The following CFAP44 variants were observed in gnomAD, a reference collection of about 807,000 sequenced individuals.
CFAP44 encodes the protein cilia and flagella associated protein 44.
In CFAP44, 134 loss-of-function variants were observed where a neutral mutation model predicts 216.2. The observed-to-expected ratio is 0.62, with a 90% CI of 0.54 to 0.72. The LOEUF is 0.72. CFAP44 is among the 30% of genes least tolerant of loss of function. CFAP44 has a pLI of 0.00. For missense variants in CFAP44, 2,035 were observed against 2,182.1 expected (o/e 0.93, Z 1.34); for synonymous variants, 700 against 727.6 (o/e 0.96, Z 0.61).
intron 22 of CFAP44, among the ~76,000 whole-genome samples, chr3:113,348,080 C>T (rs1258231477): frequency 1.3e-5 from 2 of 152,246 alleles, no homozygotes; most frequent in African/African-American, 4.8e-5. Flanking sequence ...ACAACTATTC[C>T]AATCAGCAGG....
At chr3:113,313,304 A>G (rs1439928430) in intron 28 of CFAP44, among the ~76,000 whole-genome samples, 2 of 152,106 alleles carry the variant, frequency 1.3e-5, no homozygotes, top group East Asian at 3.9e-4. Flanking sequence ...GTTTTGGTCA[A>G]TTTATCCCAT....
At chr3:113,420,305 T>C in intron 4 of CFAP44, 126 bp from the exon 5 acceptor site, 1 of 996,778 alleles carries the variant, frequency 1.0e-6, no homozygotes, top group Non-Finnish European at 1.3e-6. Flanking sequence ...AGTTGAATTT[T>C]ACCCTGAAAC....
intron 25 of CFAP44, among the ~76,000 whole-genome samples, 176 bp downstream of exon 25, chr3:113,333,228 TCA>T (rs1480554955): frequency 6.6e-6 from 1 of 152,176 alleles, no homozygotes. Context: ...TCTCTGGGCC[TCA>T]GTTTCCTTAT....
intron 28 of CFAP44, among the ~76,000 whole-genome samples, chr3:113,316,446 A>G (rs1950087622): frequency 6.6e-6 from 1 of 152,222 alleles, no homozygotes; most frequent in South Asian, 2.1e-4. Context: ...AAGAGCAGAA[A>G]TCAATGAAAT....
intron 21 of CFAP44, among the ~76,000 whole-genome samples, chr3:113,362,291 G>A (rs1000868149): frequency 2.0e-5 from 3 of 151,998 alleles, no homozygotes; most frequent in Non-Finnish European, 4.4e-5. Context: ...GACAGGAGGG[G>A]GTGGCAAGGT....
rs1393000720 is a variant in CFAP44 at position 113,436,041 on chromosome 3, C to T, written c.-5-2372G>A. Among the ~76,000 whole-genome samples the T allele has an allele frequency of 2.6e-5, 4 of 151,902 alleles. No individual in the cohort carries two copies. The East Asian group carries it at 7.7e-4, about 29-fold the overall frequency. On this transcript the variant is annotated intron_variant, in intron 1 of 34. Transcript: ENST00000393845. ...GGAGGGGGTGGGGTTAGGAATCAAA[C>T]AATAAAAACCTGTAAGTAGCAAAAT... is the stretch of plus-strand genomic sequence containing the variant.
At position 113,363,200 on chromosome 3, in the gene CFAP44, C is replaced by T; in HGVS notation, c.2879G>A (p.Cys960Tyr). 2 of 1,612,954 alleles carry T rather than the reference C, an allele frequency of 1.2e-6. No individual in the cohort carries two copies. Among genetic ancestry groups the T allele is most frequent in the Middle Eastern group, 1.7e-4 (1 of 6,058 alleles). ...TTTTTCATTCATTTCTAATAGATTA[C>T]AAAATTCACTCCTCAAAGCTTTGAT... Reference protein sequence around the residue: ...EQIKALRSEFCNLLEMNEKLP... With the variant: ...EQIKALRSEFYNLLEMNEKLP... Residue 960 changes from cysteine (C) to tyrosine (Y), a missense_variant, in exon 21 of 35, where the codon TGT becomes TAT. By Grantham distance (194) the Cys-to-Tyr change is radical (BLOSUM62 -2). Around this residue, in one of 3 missense-constraint regions of CFAP44, gnomAD observed 1,883 missense variants for 2,023.7 expected, o/e 0.93. Transcript: ENST00000393845.
rs761708225 is a variant in CFAP44, at chr3:113,366,195, C to A, written c.2559G>T (p.Met853Ile). 1 of 1,613,882 alleles carries A rather than the reference C, an allele frequency of 6.2e-7. No individual in the cohort carries two copies. Among genetic ancestry groups the A allele is most frequent in the African/African-American group, 1.3e-5 (1 of 74,886 alleles). The change falls in exon 19 of 35, where the codon ATG becomes ATT. Residue 853 changes from methionine (M) to isoleucine (I), a missense_variant. Met to Ile is a conservative substitution (Grantham distance 10). Transcript: ENST00000393845. ...TSLVDYWHFN[M>I]HDNNYGCIKS... is the part of the protein sequence containing the mutation. ...TAATACATCCATAATTATTGTCATG[C>A]ATATTGAAGTGCCAGTAGTCCACCA... is the stretch of plus-strand genomic sequence containing the variant.
chr3:113,366,135 C>T lies in CFAP44; in HGVS notation c.2619G>A (p.Leu873=). ...SIANSFDDRF[L]VTAGADGNIF... ...TATTGCCATCTGCTCCAGCAGTCAC[C>T]AAGAAACGATCATCAAAGCTATTAG... Residue 873 remains leucine, a synonymous_variant, in exon 19 of 35, where the codon TTG becomes TTA. Transcript: ENST00000393845. 6.2e-7 allele frequency: 1 copy of T among 1,613,902 alleles called. No individual in the cohort carries two copies.
intron 22 of CFAP44, among the ~76,000 whole-genome samples, chr3:113,357,064 T>C (rs1950498287): frequency 6.6e-6 from 1 of 152,162 alleles, no homozygotes; most frequent in South Asian, 2.1e-4. Context: ...GACAAAAGAC[T>C]GGAACAAACA....
intron 12 of CFAP44, 55 bp from the exon 13 acceptor site, chr3:113,400,055 CTT>C: frequency 8.4e-7 from 1 of 1,184,902 alleles, no homozygotes; most frequent in Non-Finnish European, 1.2e-6. Flanking sequence ...TTTTTTAAGT[CTT>C]GGCTCACTTT....
At chr3:113,305,184 CAA>C in intron 30 of CFAP44, 32 bp from the exon 31 acceptor site, 1 of 1,510,092 alleles carries the variant, frequency 6.6e-7, no homozygotes. Context: ...GAAATGGTGA[CAA>C]GACTCAATAA....
At chr3:113,323,991 C>T (rs1313932156) in intron 28 of CFAP44, among the ~76,000 whole-genome samples, 1 of 147,696 alleles carries the variant, frequency 6.8e-6, no homozygotes, top group Non-Finnish European at 1.5e-5. Flanking sequence ...TTGCAGTGAG[C>T]ACAGATCGCG....
chr3:113,349,650 G>T (rs559172836), intron 22 of CFAP44, among the ~76,000 whole-genome samples: 2 of 152,334 alleles, frequency 1.3e-5, no homozygotes, highest in Admixed American at 1.3e-4. Context: ...AGAGGACAAA[G>T]GTTCTCTGGG....
At chr3:113,424,973 C>T (rs779760160) in intron 4 of CFAP44, among the ~76,000 whole-genome samples, 3 of 152,072 alleles carry the variant, frequency 2.0e-5, no homozygotes, top group Non-Finnish European at 4.4e-5. Flanking sequence ...CAGTAGGTCC[C>T]GGAAGGCATC....
At chr3:113,295,029 G>C (rs1175209380) in intron 33 of CFAP44, among the ~76,000 whole-genome samples, 1 of 152,204 alleles carries the variant, frequency 6.6e-6, no homozygotes, top group East Asian at 1.9e-4. Context: ...TCAAGAATAG[G>C]AGTAGGTAGA....
chr3:113,372,902 G>A (rs1933218347), intron 18 of CFAP44, among the ~76,000 whole-genome samples: 1 of 152,090 alleles, frequency 6.6e-6, no homozygotes, highest in South Asian at 2.1e-4. Flanking sequence ...CCAGAACTGT[G>A]AGAAAAAAAA....
At chr3:113,349,749 AG>A (rs1443099938) in intron 22 of CFAP44, among the ~76,000 whole-genome samples, 1 of 152,170 alleles carries the variant, frequency 6.6e-6, no homozygotes, top group Admixed American at 6.5e-5. Flanking sequence ...ACTGAGCCCC[AG>A]GTATGTTTAA....
chr3:113,364,812 T>C (rs757902155), intron 19 of CFAP44, among the ~76,000 whole-genome samples: 11 of 152,150 alleles, frequency 7.2e-5, no homozygotes, highest in Non-Finnish European at 1.6e-4. Flanking sequence ...AATTTAATTG[T>C]TCTTGGGTGG....
Sources: allele counts gnomAD v4.1 joint callset (sites outside exome capture counted in the v4.1 genomes callset), GRCh38; gene constraint gnomAD v4.1.1; regional missense constraint gnomAD v4.1.1; transcripts MANE v1.5; gene names NCBI Gene and HGNC (gene_info 2026-07-23, HGNC 2026-07-21).